The following MTFR1 variants were observed in gnomAD, a reference collection of about 807,000 sequenced individuals.
MTFR1 encodes mitochondrial fission regulator 1.
MTFR1 carries 28 observed loss-of-function variants against 38.8 expected under a neutral mutation model. The observed-to-expected ratio is 0.72, with a 90% confidence interval of 0.53 to 0.99. The LOEUF (loss-of-function observed/expected upper bound fraction) is 0.99, where lower values mean the gene tolerates loss of function less well. Among genes scored for constraint, MTFR1 ranks in the 50% least tolerant of loss-of-function variants. The probability of loss-of-function intolerance (pLI) is 0.00; values close to 1 mark genes in which losing one functional copy is unlikely to be tolerated. For missense variants in MTFR1, 358 were observed against 395.5 expected (o/e 0.91, Z 0.81); for synonymous variants, 145 against 137.0 (o/e 1.06, Z -0.41).
At chr8:65,717,314 C>G (rs1331433658) in intron 2 of MTFR1, among the ~76,000 whole-genome samples, 1 of 152,222 alleles carries the variant, frequency 6.6e-6, no homozygotes, top group East Asian at 1.9e-4. Context: ...TTGTTTACAA[C>G]TGATATCAAT....
At chr8:65,650,427 C>T (rs1023839699) in intron 1 of MTFR1, among the ~76,000 whole-genome samples, 5 of 152,098 alleles carry the variant, frequency 3.3e-5, no homozygotes, top group South Asian at 4.1e-4. Flanking sequence ...CTTCCTTGGC[C>T]TCCCAAAGTG....
intron 1 of MTFR1, among the ~76,000 whole-genome samples, chr8:65,660,291 CAAAAA>C (rs1358969347): frequency 1.5e-5 from 1 of 67,450 alleles, no homozygotes; most frequent in East Asian, 5.3e-4. Context: ...AACTCTGTCT[CAAAAA>C]AAAAAAAAAA....
intron 5 of MTFR1, among the ~76,000 whole-genome samples, chr8:65,705,706 A>G (rs895629202): frequency 6.6e-5 from 10 of 152,244 alleles, no homozygotes; most frequent in Non-Finnish European, 1.3e-4. Context: ...CTGCTCTAAA[A>G]TGGGGATAAT....
downstream of MTFR1, among the ~76,000 whole-genome samples, chr8:65,714,001 A>C (rs1277664671): frequency 6.6e-6 from 1 of 151,946 alleles, no homozygotes; most frequent in East Asian, 1.9e-4. Flanking sequence ...AATTTTAAAA[A>C]TACAAGAATT....
chr8:65,765,443 C>G (rs567904803), intron 3 of MTFR1: 1 of 129,392 alleles, frequency 7.7e-6, no homozygotes, highest in African/African-American at 3.0e-5. Flanking sequence ...GAGCCGAGAT[C>G]CCGCCACTGC....
chr8:65,723,440 AATG>A, intron 3 of MTFR1: 1 of 1,110,898 alleles, frequency 9.0e-7, no homozygotes, highest in Non-Finnish European at 1.2e-6. Context: ...TAAAAATAGA[AATG>A]AGCATAATTT....
chr8:65,645,637 C>T (rs1276047554), intron 1 of MTFR1, among the ~76,000 whole-genome samples: 2 of 151,376 alleles, frequency 1.3e-5, no homozygotes, highest in African/African-American at 4.9e-5. Context: ...GCGATCCTCA[C>T]GCCTCAGCCT....
intron 3 of MTFR1, among the ~76,000 whole-genome samples, chr8:65,760,949 G>A (rs1270804229): frequency 6.6e-6 from 1 of 152,098 alleles, no homozygotes; most frequent in Non-Finnish European, 1.5e-5. Flanking sequence ...ATGAGGAACT[G>A]GGAACAAGAG....
At chr8:65,676,055 A>G (rs947319789) in intron 2 of MTFR1, among the ~76,000 whole-genome samples, 2 of 152,192 alleles carry the variant, frequency 1.3e-5, no homozygotes, top group African/African-American at 4.8e-5. Flanking sequence ...GAGGAATGTG[A>G]GTAAGGAAGA....
At chr8:65,720,909 C>A (rs1205923358) in intron 3 of MTFR1, among the ~76,000 whole-genome samples, 1 of 152,224 alleles carries the variant, frequency 6.6e-6, no homozygotes, top group African/African-American at 2.4e-5. Flanking sequence ...GAGTTATCTA[C>A]CCACATGGCC....
At chr8:65,662,829 C>G (rs1437480897) in intron 1 of MTFR1, among the ~76,000 whole-genome samples, 1 of 151,110 alleles carries the variant, frequency 6.6e-6, no homozygotes, top group Non-Finnish European at 1.5e-5. Flanking sequence ...GCCCCCCGCC[C>G]GGCCATCCAC....
At position 65,664,691 on chromosome 8, in the gene MTFR1, C is replaced by T. The variant is rs1252550105; in HGVS notation, c.-80-5182C>T. Among the ~76,000 whole-genome samples, 8 of 150,310 alleles carry T rather than the reference C, an allele frequency of 5.3e-5. No homozygotes were observed. The East Asian group carries it at 1.2e-3, about 22-fold the overall frequency. ...AGCCCATTGCAACTTTTGCCTCCCG[C>T]GTTCAAGCTATTCTCCTGCCTCAGC... On this transcript the variant is annotated intron_variant, in intron 1 of 7. Transcript: ENST00000262146.
chr8:65,716,536 T>G (rs1806151615), intron 2 of MTFR1, among the ~76,000 whole-genome samples: 1 of 152,320 alleles, frequency 6.6e-6, no homozygotes, highest in East Asian at 1.9e-4. Flanking sequence ...ATGGGTCTTC[T>G]GTGCACCCAA....
intron 3 of MTFR1, among the ~76,000 whole-genome samples, chr8:65,764,611 T>C (rs186844474): frequency 6.6e-6 from 1 of 152,298 alleles, no homozygotes; most frequent in Admixed American, 6.5e-5. Context: ...AGCTTCCAAA[T>C]ATAACAGAAT....
chr8:65,670,634 C>T (rs1028585043), intron 2 of MTFR1, among the ~76,000 whole-genome samples: 1 of 151,200 alleles, frequency 6.6e-6, no homozygotes, highest in African/African-American at 2.4e-5. Context: ...CATTTTTTTT[C>T]ATGGCTATGA....
downstream of MTFR1, among the ~76,000 whole-genome samples, chr8:65,715,526 C>A (rs538642189): frequency 1.3e-5 from 2 of 151,502 alleles, no homozygotes; most frequent in East Asian, 4.0e-4. Context: ...TACAGGAATG[C>A]GCCACCACGC....
At chr8:65,689,724 T>C in intron 3 of MTFR1, 3 of 448,322 alleles carry the variant, frequency 6.7e-6, no homozygotes, top group South Asian at 7.6e-5. Flanking sequence ...CTTTACTAAG[T>C]GCATTGTCCT....
chr8:65,734,458 C>T (rs567745569), intron 3 of MTFR1, among the ~76,000 whole-genome samples: 1 of 152,336 alleles, frequency 6.6e-6, no homozygotes, highest in Admixed American at 6.5e-5. Flanking sequence ...CCTGCCTCCT[C>T]TCTGTAGCTC....
intron 1 of MTFR1, among the ~76,000 whole-genome samples, chr8:65,667,124 A>G (rs1804403834): frequency 1.3e-5 from 2 of 152,160 alleles, no homozygotes; most frequent in South Asian, 4.2e-4. Context: ...CTAAAATACA[A>G]AATTACCCGG....
Sources: gnomAD v4.1 joint callset for allele counts (sites outside exome capture counted in the v4.1 genomes callset) on GRCh38, gnomAD v4.1.1 for gene constraint, MANE v1.5 for transcripts, NCBI Gene and HGNC (gene_info 2026-07-23, HGNC 2026-07-21) for gene names.